MRPS27: variants seen among roughly 807,000 people sequenced by gnomAD.
MRPS27 encodes the protein small ribosomal subunit protein mS27.
In MRPS27, 43 loss-of-function variants were observed where a neutral mutation model predicts 48.9. The ratio of observed to expected loss-of-function variants is 0.88; its 90% confidence interval spans 0.69 to 1.13. The LOEUF is 1.13. Ranked by LOEUF, MRPS27 falls within the 50% of genes most tolerant of loss-of-function variation. MRPS27 has a pLI of 0.00. For missense variants in MRPS27, 467 were observed against 476.3 expected, an observed-to-expected ratio of 0.98 and a Z score of 0.18; for synonymous variants, 188 against 171.9, an observed-to-expected ratio of 1.09 and a Z score of -0.73.
At chr5:72,258,530 G>T (rs1448008407) in intron 4 of MRPS27, among the ~76,000 whole-genome samples, 1 of 152,160 alleles carries the variant, frequency 6.6e-6, no homozygotes, top group East Asian at 1.9e-4. Context: ...GGGGGCTAAT[G>T]GGAGGTATTT....
At chr5:72,312,689 C>T (rs889480283) in intron 2 of MRPS27, among the ~76,000 whole-genome samples, 1 of 149,554 alleles carries the variant, frequency 6.7e-6, no homozygotes, top group African/African-American at 2.5e-5. Flanking sequence ...GGCAAGATCT[C>T]GGCTCACTGC....
At chr5:72,228,554 G>C in intron 7 of MRPS27, 186 bp from the exon 8 acceptor site, 1 of 444,308 alleles carries the variant, frequency 2.3e-6, no homozygotes, top group Non-Finnish European at 3.9e-6. Flanking sequence ...GAAAAATATA[G>C]GAAAGAAATA....
intron 1 of MRPS27, 191 bp downstream of exon 1, chr5:72,319,958 A>G (rs1750704379): frequency 1.4e-5 from 9 of 628,654 alleles, no homozygotes; most frequent in Non-Finnish European, 2.3e-5. Context: ...ACCTTTGGAC[A>G]GGAACATACT....
intron 4 of MRPS27, among the ~76,000 whole-genome samples, chr5:72,273,002 C>A (rs770580221): frequency 2.0e-4 from 31 of 152,142 alleles, no homozygotes; most frequent in Non-Finnish European, 4.0e-4. Flanking sequence ...CATTCTAAAA[C>A]TGTGTATCTT....
intron 4 of MRPS27, among the ~76,000 whole-genome samples, chr5:72,282,330 T>C (rs1266896681): frequency 6.6e-6 from 1 of 152,190 alleles, no homozygotes; most frequent in Non-Finnish European, 1.5e-5. Flanking sequence ...CCTTAAATAT[T>C]ATACCAGTTT....
rs779544739 is a variant in MRPS27, at chr5:72,223,786, G to C, written c.902C>G (p.Ser301Cys). ...CCCCTGGTTGTCTTCATCATTTTGG[G>C]ACTGCTCCTCTGAAGCCCCATCAGC... ...TSADGASEEQ[S>C]QNDEDNQGSE... Residue 301 changes from serine to cysteine, a missense_variant, in exon 10 of 11, where the codon TCC (serine) becomes TGC (cysteine). Transcript: ENST00000261413. The C allele has an allele frequency of 6.2e-7, 1 of 1,613,920 alleles. No individual in the cohort carries two copies. The highest frequency in any genetic ancestry group is 2.2e-5 in the East Asian group (1 of 44,864).
At chr5:72,275,057 G>T (rs997962088) in intron 4 of MRPS27, among the ~76,000 whole-genome samples, 16 of 152,100 alleles carry the variant, frequency 1.1e-4, no homozygotes, top group Admixed American at 7.2e-4. Flanking sequence ...AGAAATAAAG[G>T]GTATTCAAAT....
chr5:72,238,261 T>C lies in MRPS27; in HGVS notation c.282-133A>G, dbSNP rs966792711. 6.6e-6 allele frequency: 4 copies of C among 608,904 alleles called. No individual in the cohort carries two copies. In the African/African-American group the frequency reaches 7.4e-5, roughly 11 times the overall value. 37.7% of individuals were successfully genotyped at this position (608,904 alleles called of 1,614,324 possible). A position where few individuals can be genotyped will look rare whatever the true frequency, so the allele number is the denominator to read the frequency against. Reference sequence around the variant, plus strand: ...GAAATTCATAAAAGTCAACAGTTGATAAAAACTTGAGAATGAAACTTATTA... The same window carrying C: ...GAAATTCATAAAAGTCAACAGTTGACAAAAACTTGAGAATGAAACTTATTA... On this transcript the variant is annotated intron_variant, in intron 4 of 10. Coordinates refer to ENST00000261413, the MANE Select transcript of MRPS27 (RefSeq NM_015084.3).
intron 4 of MRPS27, chr5:72,241,491 C>A: frequency 1.5e-6 from 1 of 660,724 alleles, no homozygotes; most frequent in South Asian, 2.0e-5. Context: ...ATAAACAAGT[C>A]AAAACACTGG....
At chr5:72,269,941 C>G (rs1273386106) in intron 4 of MRPS27, among the ~76,000 whole-genome samples, 2 of 151,856 alleles carry the variant, frequency 1.3e-5, no homozygotes, top group Non-Finnish European at 2.9e-5. Context: ...GCCTGTAATC[C>G]CAGCACTTTG....
intron 4 of MRPS27, among the ~76,000 whole-genome samples, chr5:72,272,486 T>G (rs538820551): frequency 6.6e-6 from 1 of 152,250 alleles, no homozygotes; most frequent in South Asian, 2.1e-4. Context: ...CCTTGGACAC[T>G]GAGTCTCTAA....
intron 3 of MRPS27, among the ~76,000 whole-genome samples, chr5:72,297,071 T>G (rs1405604401): frequency 6.6e-6 from 1 of 152,200 alleles, no homozygotes; most frequent in Non-Finnish European, 1.5e-5. Context: ...TATTAAACCA[T>G]GTCTTACATA....
intron 1 of MRPS27, among the ~76,000 whole-genome samples, chr5:72,316,514 C>G (rs897347345): frequency 6.6e-6 from 1 of 151,792 alleles, no homozygotes; most frequent in Non-Finnish European, 1.5e-5. Flanking sequence ...ATTACAGGCG[C>G]CTGCCACCAT....
chr5:72,234,165 T>C lies in MRPS27; in HGVS notation c.429A>G (p.Thr143=), dbSNP rs1196131657. The C allele has an allele frequency of 5.3e-6, 8 of 1,512,786 alleles. No individual in the cohort carries two copies. The highest frequency in any genetic ancestry group is 7.0e-6 in the Non-Finnish European group (8 of 1,135,282). 93.7% of individuals were successfully genotyped at this position (1,512,786 alleles called of 1,614,324 possible). The change falls in exon 6 of 11, where the codon ACA becomes ACG. Residue 143 remains threonine, a synonymous_variant. Coordinates refer to ENST00000261413, the MANE Select transcript of MRPS27 (RefSeq NM_015084.3). ...VQYGIFPDNF[T]FNLLMDSFIK... The stretch of plus-strand genomic sequence containing the variant: ...TGAAAGAATCCATCAGTAAATTGAA[T>C]GTAAAGTTATCTGGAAAAATTCCAT...
At chr5:72,243,287 T>C (rs1460712364) in intron 4 of MRPS27, among the ~76,000 whole-genome samples, 2 of 152,238 alleles carry the variant, frequency 1.3e-5, no homozygotes, top group African/African-American at 2.4e-5. Flanking sequence ...GAGTGTCATG[T>C]GACTATTTAA....
intron 2 of MRPS27, among the ~76,000 whole-genome samples, chr5:72,301,018 T>A (rs1400419811): frequency 6.6e-6 from 1 of 152,182 alleles, no homozygotes; most frequent in Admixed American, 6.5e-5. Flanking sequence ...AAAAAGCAAT[T>A]GGGTTTCCAA....
At chr5:72,250,811 G>C (rs977509218) in intron 4 of MRPS27, among the ~76,000 whole-genome samples, 3 of 152,168 alleles carry the variant, frequency 2.0e-5, no homozygotes, top group African/African-American at 7.2e-5. Context: ...TGTCACCCAG[G>C]CTGGAGTGCA....
rs1179074774 is a variant in MRPS27, at chr5:72,232,485, G to C, written c.549C>G (p.Leu183=). 1.9e-6 allele frequency: 3 copies of C among 1,612,670 alleles called. No individual in the cohort carries two copies. Among genetic ancestry groups the C allele is most frequent in the Non-Finnish European group, 1.7e-6 (2 of 1,179,110 alleles). The change falls in exon 7 of 11, where the codon CTC becomes CTG. Residue 183 remains leucine, a synonymous_variant. Coordinates refer to ENST00000261413, the MANE Select transcript of MRPS27 (RefSeq NM_015084.3). ...FEVPSTQLLS[L]YVLFHCLAKK... is the part of the protein sequence containing the mutation. The stretch of plus-strand genomic sequence containing the variant: ...TTGCCAGGCAATGAAATAAAACATA[G>C]AGGGAGAGAAGTTGGGTGGAAGGCA...
At chr5:72,244,471 A>C (rs989650342) in intron 4 of MRPS27, among the ~76,000 whole-genome samples, 2 of 152,186 alleles carry the variant, frequency 1.3e-5, no homozygotes, top group Admixed American at 6.5e-5. Context: ...TCCTCTCATG[A>C]AACAGAAAGC....
Sources: allele counts gnomAD v4.1 joint callset (sites outside exome capture counted in the v4.1 genomes callset), GRCh38; gene constraint gnomAD v4.1.1; transcripts MANE v1.5; gene names NCBI Gene and HGNC (gene_info 2026-07-23, HGNC 2026-07-21).